Variants in SKIC3 observed in about 807,000 individuals in gnomAD.
SKIC3 encodes superkiller complex protein 3.
At chr5:95,531,080 C>A in the SKIC3 span, among the ~76,000 whole-genome samples, 1 of 151,648 alleles carries the variant, frequency 6.6e-6, no homozygotes, top group Non-Finnish European at 1.5e-5. Context: ...AAAAAAAGAC[C>A]CGATGCTTTA....
At chr5:95,504,289 T>C in the SKIC3 span, among the ~76,000 whole-genome samples, 2 of 149,720 alleles carry the variant, frequency 1.3e-5, no homozygotes, top group African/African-American at 5.1e-5. Flanking sequence ...TGAGCCGAGA[T>C]TGCACCACTG....
the SKIC3 span, among the ~76,000 whole-genome samples, chr5:95,520,273 A>T: frequency 1.3e-5 from 2 of 151,684 alleles, no homozygotes; most frequent in African/African-American, 4.8e-5. Context: ...AGGAGCAATC[A>T]GATTGTCATT....
chr5:95,509,443 A>G, the SKIC3 span: 1 of 674,896 alleles, frequency 1.5e-6, no homozygotes, highest in South Asian at 1.6e-5. Flanking sequence ...GCACCCAAGA[A>G]CTGAAGAGGC....
the SKIC3 span, among the ~76,000 whole-genome samples, chr5:95,535,907 G>A: frequency 3.3e-5 from 5 of 152,228 alleles, no homozygotes; most frequent in South Asian, 2.1e-4. Context: ...ACTGGTGTAC[G>A]TACTAATATT....
chr5:95,550,649 A>T, the SKIC3 span: 4 of 152,580 alleles, frequency 2.6e-5, no homozygotes, highest in South Asian at 2.1e-4. Context: ...CCCATTTTCC[A>T]TCTAAATTAA....
chr5:95,469,603 C>G, the SKIC3 span, among the ~76,000 whole-genome samples: 2 of 152,138 alleles, frequency 1.3e-5, no homozygotes, highest in Admixed American at 1.3e-4. Flanking sequence ...TTGTTTCTCC[C>G]TTACTGGATT....
the SKIC3 span, among the ~76,000 whole-genome samples, chr5:95,469,225 A>G: frequency 7.9e-3 from 1,197 of 152,302 alleles, 16 homozygotes; most frequent in African/African-American, 0.028. Context: ...ATCTTTAAGT[A>G]ATTTTCTTCA....
the SKIC3 span, among the ~76,000 whole-genome samples, chr5:95,484,258 T>C: frequency 6.6e-6 from 1 of 151,898 alleles, no homozygotes; most frequent in African/African-American, 2.4e-5. Context: ...TTGTGGCAAG[T>C]ACAGTAATCA....
the SKIC3 span, chr5:95,514,746 C>T: frequency 1.8e-6 from 2 of 1,138,804 alleles, no homozygotes; most frequent in African/African-American, 1.5e-5. Context: ...GTGACTGGCA[C>T]AAAGTAAGCC....
At chr5:95,541,196 C>T in the SKIC3 span, 8 of 981,072 alleles carry the variant, frequency 8.2e-6, no homozygotes, top group East Asian at 2.5e-5. Context: ...GAACTCCCGA[C>T]CTCAGGTGAT....
At chr5:95,510,024 C>G in the SKIC3 span, among the ~76,000 whole-genome samples, 4 of 152,082 alleles carry the variant, frequency 2.6e-5, no homozygotes, top group African/African-American at 7.2e-5. Flanking sequence ...ATTACTTAAG[C>G]CTTCCTGTGA....
the SKIC3 span, among the ~76,000 whole-genome samples, chr5:95,464,924 CTTTTTTTT>C: frequency 4.7e-5 from 5 of 106,994 alleles, no homozygotes; most frequent in African/African-American, 7.5e-5. Context: ...ATTCTGATTG[CTTTTTTTT>C]TTTTTTTTTT....
the SKIC3 span, among the ~76,000 whole-genome samples, chr5:95,470,967 AT>A: frequency 6.6e-6 from 1 of 152,202 alleles, no homozygotes; most frequent in Non-Finnish European, 1.5e-5. Context: ...TAAAATATGT[AT>A]TTTAATAAAG....
the SKIC3 span, among the ~76,000 whole-genome samples, chr5:95,493,317 G>A: frequency 6.6e-6 from 1 of 152,138 alleles, no homozygotes; most frequent in African/African-American, 2.4e-5. Context: ...CCTTGAGTAT[G>A]TATTTATCCA....
the SKIC3 span, among the ~76,000 whole-genome samples, chr5:95,532,566 T>C: frequency 6.6e-6 from 1 of 152,156 alleles, no homozygotes; most frequent in South Asian, 2.1e-4. Flanking sequence ...TTGTTGAGAA[T>C]ACTAGCTAAA....
the SKIC3 span, chr5:95,543,403 C>T: frequency 6.6e-7 from 1 of 1,516,672 alleles, no homozygotes; most frequent in Admixed American, 1.7e-5. Context: ...GAAAGTCTAG[C>T]ATGAGTCAGG....
At chr5:95,483,793 T>C in the SKIC3 span, among the ~76,000 whole-genome samples, 14 of 152,334 alleles carry the variant, frequency 9.2e-5, 1 homozygote, top group South Asian at 2.9e-3. Context: ...TACTATGTTC[T>C]AGGCAAGGTA....
the SKIC3 span, among the ~76,000 whole-genome samples, chr5:95,495,864 TA>T: frequency 1.3e-5 from 2 of 152,054 alleles, no homozygotes; most frequent in African/African-American, 4.8e-5. Context: ...AGCACTGAGA[TA>T]AAAGATTTTA....
At chr5:95,495,678 A>C in the SKIC3 span, among the ~76,000 whole-genome samples, 1 of 152,186 alleles carries the variant, frequency 6.6e-6, no homozygotes, top group South Asian at 2.1e-4. Flanking sequence ...AAAATAACTA[A>C]AAATATGAAA....
Sources: gnomAD v4.1 joint callset for allele counts (sites outside exome capture counted in the v4.1 genomes callset) on GRCh38, gnomAD v4.1.1 for gene constraint, MANE v1.5 for transcripts, NCBI Gene and HGNC (gene_info 2026-07-23, HGNC 2026-07-21) for gene names.